The following LYPD1 variants were observed in gnomAD, a reference collection of about 807,000 sequenced individuals.
LYPD1 encodes the protein ly6/PLAUR domain-containing protein 1.
A neutral mutation model predicts 14.2 loss-of-function variants in LYPD1; 14 were observed. That is an observed-to-expected ratio of 0.99 (90% CI 0.65 to 1.54). The LOEUF is 1.54. Ranked by LOEUF, LYPD1 falls within the 40% of genes most tolerant of loss-of-function variation. The pLI is 0.00. For synonymous variants in LYPD1, 85 were observed against 70.6 expected (o/e 1.20, Z -1.02); for missense variants, 165 against 175.7 (o/e 0.94, Z 0.34).
chr2:132,669,757 A>C lies in LYPD1; in HGVS notation c.52+124T>G. The C allele has an allele frequency of 4.0e-4, 578 of 1,456,756 alleles. No individual in the cohort carries two copies. The highest frequency in any genetic ancestry group is 6.2e-4 in the Middle Eastern group (3 of 4,874). 90.2% of individuals were successfully genotyped at this position (1,456,756 alleles called of 1,614,324 possible). On this transcript the variant is annotated intron_variant, in intron 1 of 2. Coordinates refer to ENST00000397463, the MANE Select transcript of LYPD1 (RefSeq NM_144586.7). This position sits in a 1 kb window ranked among gnomAD's most constrained non-coding sequence, Gnocchi z 4.3. The stretch of plus-strand genomic sequence containing the variant: ...CCCCGGGGCACCAGTCGCGGCCGCC[A>C]ACTCCCGCTGGGCAGCCCCAGCGCA...
At chr2:132,657,734 ATG>A (rs1379178549) in intron 2 of LYPD1, among the ~76,000 whole-genome samples, 3 of 152,238 alleles carry the variant, frequency 2.0e-5, no homozygotes, top group Non-Finnish European at 4.4e-5. Flanking sequence ...TTGTTGGTAT[ATG>A]TGTTTCTTTT....
At chr2:132,666,686 C>A (rs533272366) in intron 2 of LYPD1, 3 of 152,224 alleles carry the variant, frequency 2.0e-5, no homozygotes, top group Admixed American at 1.3e-4. Context: ...GTTTTGAGGA[C>A]AGAATGAAGC....
At chr2:132,665,636 G>T (rs149959087) in intron 2 of LYPD1, among the ~76,000 whole-genome samples, 2 of 152,220 alleles carry the variant, frequency 1.3e-5, no homozygotes, top group Non-Finnish European at 2.9e-5. Flanking sequence ...CTTAGTAACA[G>T]TTGGCTGGTG....
rs1300944336 is a variant in LYPD1, at chr2:132,646,295, C to T, written c.191-15G>A. 4 of 1,441,898 alleles carry T rather than the reference C, an allele frequency of 2.8e-6. No individual in the cohort carries two copies. Among genetic ancestry groups the T allele is most frequent in the East Asian group, 2.6e-5 (1 of 39,010 alleles). The allele number at this position is 1,441,898 out of a possible 1,614,324, so 89.3% of individuals were successfully genotyped here. On this transcript the variant is annotated splice_polypyrimidine_tract_variant and intron_variant, in intron 2 of 2. Transcript: ENST00000397463. ...GTACATGATCCCTGTAACACAGACCCAAAGGAGCTGAGTTAACGTGCACCG... is the reference window on the plus strand; with the variant it reads ...GTACATGATCCCTGTAACACAGACCTAAAGGAGCTGAGTTAACGTGCACCG...
At chr2:132,647,203 T>A (rs1428125963) in intron 2 of LYPD1, among the ~76,000 whole-genome samples, 1 of 152,216 alleles carries the variant, frequency 6.6e-6, no homozygotes, top group East Asian at 1.9e-4. Flanking sequence ...GCCCTCATGA[T>A]TACCCCCATT....
rs760696148 is a variant in LYPD1, at chr2:132,645,322, T to C, written c.*723A>G. On this transcript the variant is annotated 3_prime_UTR_variant, in exon 3 of 3. Transcript: ENST00000397463. ...TCGGCGGGTGTTCGTGCAGGTGCTGTGCTGCCGCCTGTCGCTGCAGCACGC... is the reference window on the plus strand; with the variant it reads ...TCGGCGGGTGTTCGTGCAGGTGCTGCGCTGCCGCCTGTCGCTGCAGCACGC... 1.9e-6 allele frequency: 3 copies of C among 1,614,068 alleles called. No individual in the cohort carries two copies. The highest frequency in any genetic ancestry group is 2.5e-6 in the Non-Finnish European group (3 of 1,180,040).
rs116232245 is a variant in LYPD1, at chr2:132,645,429, G to A, written c.*616C>T. 1,855 of 1,613,526 alleles carry A rather than the reference G, an allele frequency of 1.1e-3. 1 individual carries two copies. Among genetic ancestry groups the A allele is most frequent in the Non-Finnish European group, 1.5e-3 (1,756 of 1,180,030 alleles). On this transcript the variant is annotated 3_prime_UTR_variant, in exon 3 of 3. Coordinates refer to ENST00000397463, the MANE Select transcript of LYPD1 (RefSeq NM_144586.7). ...TTGTGCAGCGCCCGTTGCTCTTCGC[G>A]TCCCGGCGCCAGTCCTCTGCAAGGA...
chr2:132,649,228 G>A (rs1046325345), intron 2 of LYPD1, among the ~76,000 whole-genome samples: 1 of 152,096 alleles, frequency 6.6e-6, no homozygotes, highest in East Asian at 1.9e-4. Context: ...GATTAAAGAG[G>A]GCTTTCAGAA....
chr2:132,647,573 C>T (rs534269847), intron 2 of LYPD1, among the ~76,000 whole-genome samples: 2 of 152,198 alleles, frequency 1.3e-5, no homozygotes, highest in Non-Finnish European at 1.5e-5. Context: ...CCTTGTGATC[C>T]GCCTGCCTCA....
intron 2 of LYPD1, among the ~76,000 whole-genome samples, chr2:132,659,145 T>C (rs1682778223): frequency 1.3e-5 from 2 of 152,266 alleles, no homozygotes; most frequent in Non-Finnish European, 2.9e-5. Context: ...GTAAAAGGTA[T>C]ATTCAACTTG....
chr2:132,651,446 G>T (rs538196008), intron 2 of LYPD1, among the ~76,000 whole-genome samples: 9 of 152,182 alleles, frequency 5.9e-5, no homozygotes, highest in African/African-American at 9.7e-5. Context: ...CTGGGCCTGA[G>T]GGAGGAGGAG....
Position 132,645,245 on chromosome 2 carries a change from A to G in LYPD1, c.*800T>C. ...CTCCCCTTCTCGGAGACGTTTTTCT[A>G]CCTCAGCTCGGTCATCAACCCGCTC... On this transcript the variant is annotated 3_prime_UTR_variant, in exon 3 of 3. Coordinates refer to ENST00000397463, the MANE Select transcript of LYPD1 (RefSeq NM_144586.7). The G allele has an allele frequency of 6.2e-7, 1 of 1,613,924 alleles. No homozygotes were observed. The highest frequency in any genetic ancestry group is 8.5e-7 in the Non-Finnish European group (1 of 1,179,968).
intron 2 of LYPD1, chr2:132,666,887 A>T (rs1683300979): frequency 6.6e-6 from 1 of 152,232 alleles, no homozygotes; most frequent in Non-Finnish European, 1.5e-5. Flanking sequence ...ACTCTGAAGA[A>T]GTTCTTAACG....
intron 1 of LYPD1, 76 bp from the exon 2 acceptor site, chr2:132,668,613 TC>T (rs1683429467): frequency 2.6e-6 from 4 of 1,560,628 alleles, no homozygotes; most frequent in Non-Finnish European, 3.4e-6. Flanking sequence ...ATCCCACGCC[TC>T]AGAGCCAGGC....
chr2:132,645,320 T>G lies in LYPD1; in HGVS notation c.*725A>C. 1 of 1,614,214 alleles carries G rather than the reference T, an allele frequency of 6.2e-7. No homozygotes were observed. Among genetic ancestry groups the G allele is most frequent in the Non-Finnish European group, 8.5e-7 (1 of 1,180,030 alleles). Reference sequence around the variant, plus strand: ...TTTCGGCGGGTGTTCGTGCAGGTGCTGTGCTGCCGCCTGTCGCTGCAGCAC... The same window carrying G: ...TTTCGGCGGGTGTTCGTGCAGGTGCGGTGCTGCCGCCTGTCGCTGCAGCAC... On this transcript the variant is annotated 3_prime_UTR_variant, in exon 3 of 3. Transcript: ENST00000397463.
intron 2 of LYPD1, among the ~76,000 whole-genome samples, chr2:132,649,072 TA>T (rs1357357067): frequency 2.0e-5 from 3 of 152,104 alleles, no homozygotes; most frequent in Non-Finnish European, 4.4e-5. Flanking sequence ...GGCATCAAGG[TA>T]AGTGACAGGC....
intron 2 of LYPD1, among the ~76,000 whole-genome samples, chr2:132,654,540 A>G (rs1188125322): frequency 6.6e-6 from 1 of 152,182 alleles, no homozygotes; most frequent in African/African-American, 2.4e-5. Context: ...GTCTGTGTGT[A>G]GGTGACAGAT....
In LYPD1 at chr2:132,643,940, T is replaced by C. The variant is rs1427833514; in HGVS notation, c.*2105A>G. On this transcript the variant is annotated 3_prime_UTR_variant, in exon 3 of 3. Coordinates refer to ENST00000397463, the MANE Select transcript of LYPD1 (RefSeq NM_144586.7). ...GAAAATGTGAGTAAATGTTTCTTAC[T>C]ACGATTGAAATGTAGGAGAGGAAGG... is the stretch of plus-strand genomic sequence containing the variant. Among the ~76,000 whole-genome samples, 1 of 152,256 alleles carries C rather than the reference T, an allele frequency of 6.6e-6. No individual in the cohort carries two copies. The highest frequency in any genetic ancestry group is 6.5e-5 in the Admixed American group (1 of 15,284).
chr2:132,670,058 C>A lies in LYPD1; in HGVS notation c.-126G>T, dbSNP rs1400602784. On this transcript the variant is annotated 5_prime_UTR_variant, in exon 1 of 3. Transcript: ENST00000397463. The surrounding 1 kb of genome is among the most constrained non-coding windows in gnomAD (Gnocchi z 4.5). Reference sequence around the variant, plus strand: ...GGGGCCCGCGCTGCTGCCGCGGAGACGACGGTCGTAGCTTAGAGGAGCCGC... The same window carrying A: ...GGGGCCCGCGCTGCTGCCGCGGAGAAGACGGTCGTAGCTTAGAGGAGCCGC... The A allele has an allele frequency of 5.9e-6, 9 of 1,528,240 alleles. No homozygotes were observed. Among genetic ancestry groups the A allele is most frequent in the Non-Finnish European group, 7.0e-6 (8 of 1,146,674 alleles). 94.7% of individuals were successfully genotyped at this position (1,528,240 alleles called of 1,614,324 possible). A position where few individuals can be genotyped will look rare whatever the true frequency, so the allele number is the denominator to read the frequency against.
Sources: allele counts gnomAD v4.1 joint callset (sites outside exome capture counted in the v4.1 genomes callset), GRCh38; gene constraint gnomAD v4.1.1; non-coding constraint Gnocchi (gnomAD v3.1); transcripts MANE v1.5; gene names NCBI Gene and HGNC (gene_info 2026-07-23, HGNC 2026-07-21).